EXOC6B: variants seen among roughly 807,000 people sequenced by gnomAD.
The protein encoded by EXOC6B is exocyst complex component 6B, also known as SEC15 homolog B.
EXOC6B carries 54 observed loss-of-function variants against 113.5 expected under a neutral mutation model. The observed-to-expected ratio is 0.48, with a 90% CI of 0.38 to 0.60. The LOEUF is 0.60. Ranked by LOEUF, EXOC6B falls within the 20% of genes least tolerant of loss-of-function variation. EXOC6B has a pLI of 0.00. For synonymous variants in EXOC6B, 357 were observed against 339.0 expected, an observed-to-expected ratio of 1.05 and a Z score of -0.58; for missense variants, 797 against 977.5, an observed-to-expected ratio of 0.82 and a Z score of 2.46.
intron 20 of EXOC6B, among the ~76,000 whole-genome samples, chr2:72,239,260 A>G (rs566173091): frequency 2.8e-4 from 43 of 152,316 alleles, no homozygotes; most frequent in African/African-American, 9.4e-4. Flanking sequence ...GGTGTTGCCT[A>G]ACTCAAGGTC....
intron 19 of EXOC6B, among the ~76,000 whole-genome samples, chr2:72,345,063 C>T (rs921193150): frequency 3.3e-5 from 5 of 152,160 alleles, no homozygotes; most frequent in Admixed American, 6.5e-5. Context: ...TGGGAACACA[C>T]GCACAATTGC....
chr2:72,433,460 G>C (rs568101544), intron 18 of EXOC6B, among the ~76,000 whole-genome samples: 1 of 152,326 alleles, frequency 6.6e-6, no homozygotes, highest in East Asian at 1.9e-4. Context: ...GTGGTAGCTT[G>C]ATGGGAGTAG....
intron 6 of EXOC6B, among the ~76,000 whole-genome samples, chr2:72,715,962 G>T (rs1444511017): frequency 6.6e-6 from 1 of 152,110 alleles, no homozygotes; most frequent in Non-Finnish European, 1.5e-5. Flanking sequence ...AGAATGAAAA[G>T]ATATTTGATG....
chr2:72,772,504 A>T (rs1207729295), intron 1 of EXOC6B, among the ~76,000 whole-genome samples: 1 of 152,154 alleles, frequency 6.6e-6, no homozygotes, highest in Admixed American at 6.5e-5. Flanking sequence ...CCCCATTGCC[A>T]GTTAGTCATT....
chr2:72,371,857 G>A (rs535075049), intron 19 of EXOC6B, among the ~76,000 whole-genome samples: 1 of 151,920 alleles, frequency 6.6e-6, no homozygotes. Context: ...AAGAAAAAAG[G>A]GTCATCCAAC....
intron 6 of EXOC6B, among the ~76,000 whole-genome samples, chr2:72,708,896 A>ATTTTTTTTTTT (rs1159794341): frequency 1.4e-5 from 1 of 69,790 alleles, no homozygotes. Flanking sequence ...CATCCAGCTA[A>ATTTTTTTTTTT]TTTTTTTTTT....
chr2:72,310,590 T>C (rs2104788558), intron 20 of EXOC6B, among the ~76,000 whole-genome samples: 1 of 152,204 alleles, frequency 6.6e-6, no homozygotes, highest in East Asian at 1.9e-4. Context: ...GGATTGTCTT[T>C]CACTTTCTTG....
chr2:72,716,255 G>A (rs537372263), intron 6 of EXOC6B, among the ~76,000 whole-genome samples: 26 of 152,270 alleles, frequency 1.7e-4, no homozygotes, highest in Admixed American at 1.1e-3. Context: ...AGGATTCTAA[G>A]TACTTAAATC....
At chr2:72,723,648 C>T (rs189592974) in intron 5 of EXOC6B, among the ~76,000 whole-genome samples, 2 of 150,782 alleles carry the variant, frequency 1.3e-5, no homozygotes, top group Non-Finnish European at 2.9e-5. Flanking sequence ...TTAACAAATA[C>T]GTAATTTCTT....
At chr2:72,604,506 T>TA (rs1246741609) in intron 6 of EXOC6B, among the ~76,000 whole-genome samples, 3 of 152,196 alleles carry the variant, frequency 2.0e-5, no homozygotes, top group African/African-American at 7.2e-5. Flanking sequence ...CTCTACAACA[T>TA]AGATACTTTC....
chr2:72,674,602 C>T (rs940443851), intron 6 of EXOC6B, among the ~76,000 whole-genome samples: 1 of 151,948 alleles, frequency 6.6e-6, no homozygotes, highest in Non-Finnish European at 1.5e-5. Context: ...GAGGCCGAGG[C>T]GGGCGGATCA....
chr2:72,499,787 G>A (rs1047754376), intron 12 of EXOC6B, 114 bp downstream of exon 12: 4 of 663,538 alleles, frequency 6.0e-6, no homozygotes, highest in Non-Finnish European at 1.1e-5. Context: ...TCCTACCTCA[G>A]GCTTCCAAAG....
chr2:72,514,658 C>A lies in EXOC6B; in HGVS notation c.1022G>T (p.Arg341Met). The A allele has an allele frequency of 7.1e-7, 1 of 1,410,564 alleles. No homozygotes were observed. Among genetic ancestry groups the A allele is most frequent in the Non-Finnish European group, 9.5e-7 (1 of 1,047,384 alleles). 87.4% of individuals were successfully genotyped at this position (1,410,564 alleles called of 1,614,324 possible). A position where few individuals can be genotyped will look rare whatever the true frequency, so the allele number is the denominator to read the frequency against. The change falls in exon 10 of 22, where the codon AGG (arginine) becomes ATG (methionine). Residue 341 changes from arginine (R) to methionine (M), a missense_variant. By Grantham distance (91) the Arg-to-Met change is moderately conservative. Transcript: ENST00000272427. ...SNMHETLDGY[R>M]KYFNQIVGFF... ...CCCTACAATTTGATTAAAATACTTC[C>A]TGTAGCCATCTAAAGTTTCATGCTG...
intron 20 of EXOC6B, among the ~76,000 whole-genome samples, chr2:72,263,929 CCAGCCAGA>C (rs944686909): frequency 1.3e-5 from 2 of 152,138 alleles, no homozygotes; most frequent in African/African-American, 4.8e-5. Context: ...AGCCAGCCAG[CCAGCCAGA>C]CAGGCAGGCA....
intron 18 of EXOC6B, among the ~76,000 whole-genome samples, chr2:72,400,664 C>A (rs1247066219): frequency 8.7e-5 from 13 of 148,574 alleles, no homozygotes; most frequent in African/African-American, 2.2e-4. Flanking sequence ...AAAAGACATA[C>A]GCAGCCAAAA....
Position 72,495,547 on chromosome 2 carries a change from T to C in EXOC6B, c.1444-8A>G. 6.8e-7 allele frequency: 1 copy of C among 1,464,964 alleles called. No individual in the cohort carries two copies. The highest frequency in any genetic ancestry group is 2.3e-5 in the East Asian group (1 of 43,940). 90.7% of individuals were successfully genotyped at this position (1,464,964 alleles called of 1,614,324 possible). A position where few individuals can be genotyped will look rare whatever the true frequency, so the allele number is the denominator to read the frequency against. ...CTTTTTTGGAAATGGTTGCTGTAAATGCAAGAAGTAATGAAATCAAGTCAC... is the reference window on the plus strand; with the variant it reads ...CTTTTTTGGAAATGGTTGCTGTAAACGCAAGAAGTAATGAAATCAAGTCAC... On this transcript the variant is annotated splice_polypyrimidine_tract_variant and splice_region_variant and intron_variant, in intron 14 of 21. Transcript: ENST00000272427.
chr2:72,790,436 C>T lies in EXOC6B; in HGVS notation c.113+35362G>A, dbSNP rs924921894. ...GCAGGGAGAATAAATCTATAATATG[C>T]GCTTTCATAGGGAAAAAATTAAAAT... On this transcript the variant is annotated intron_variant, in intron 1 of 21. Coordinates refer to ENST00000272427, the MANE Select transcript of EXOC6B (RefSeq NM_015189.3). 5.3e-5 allele frequency among the ~76,000 whole-genome samples: 8 copies of T among 152,058 alleles called. No homozygotes were observed. In the East Asian group the frequency reaches 5.8e-4, roughly 11 times the overall value.
In EXOC6B at chr2:72,515,248, A is replaced by G. The variant is rs906597357; in HGVS notation, c.916-122T>C. The stretch of plus-strand genomic sequence containing the variant: ...AGTATCACATTTCTCAAAATCTGCT[A>G]TTTTAACATTGATGATAACAATAGA... On this transcript the variant is annotated intron_variant, in intron 8 of 21. Transcript: ENST00000272427. 5.1e-6 allele frequency: 5 copies of G among 972,382 alleles called. No homozygotes were observed. In the East Asian group the frequency reaches 1.3e-4, roughly 25 times the overall value. 60.2% of individuals were successfully genotyped at this position (972,382 alleles called of 1,614,324 possible).
chr2:72,661,744 A>C (rs1234946747), intron 6 of EXOC6B, among the ~76,000 whole-genome samples: 1 of 152,124 alleles, frequency 6.6e-6, no homozygotes, highest in African/African-American at 2.4e-5. Flanking sequence ...AGAATGTTAA[A>C]AACAATTATT....
Sources: allele counts gnomAD v4.1 joint callset (sites outside exome capture counted in the v4.1 genomes callset), GRCh38; gene constraint gnomAD v4.1.1; transcripts MANE v1.5; gene names NCBI Gene and HGNC (gene_info 2026-07-23, HGNC 2026-07-21).